Variants in MTMR10 observed in about 807,000 individuals in gnomAD.
The protein encoded by MTMR10 is myotubularin related protein 10.
In MTMR10, 56 loss-of-function variants were observed where a neutral mutation model predicts 88.1. That is an observed-to-expected ratio of 0.64 (90% confidence interval 0.51 to 0.79). The LOEUF is 0.79. Ranked by LOEUF, MTMR10 falls within the 30% of genes least tolerant of loss-of-function variation. MTMR10 has a pLI of 0.00. For missense variants in MTMR10, 883 were observed against 924.7 expected (o/e 0.95, Z 0.58); for synonymous variants, 380 against 340.9 (o/e 1.11, Z -1.26).
Position 30,941,981 on chromosome 15 carries a change from A to G in MTMR10, c.1823T>C (p.Leu608Ser), listed in dbSNP as rs2063071119. 6.2e-7 allele frequency: 1 copy of G among 1,613,884 alleles called. No individual in the cohort carries two copies. The highest frequency in any genetic ancestry group is 1.3e-5 in the African/African-American group (1 of 75,030). The change falls in exon 16 of 16, where the codon TTG becomes TCG. Residue 608 changes from leucine to serine, a missense_variant. Around this residue, in one of 3 missense-constraint regions of MTMR10, gnomAD observed 343 missense variants for 323.2 expected, o/e 1.06. Coordinates refer to ENST00000435680, the MANE Select transcript of MTMR10 (RefSeq NM_017762.3). ...DQELLPRRNSLILKPKPDPAQ... is the reference protein window; with the variant it reads ...DQELLPRRNSSILKPKPDPAQ... Reference sequence around the variant, plus strand: ...TGGATCTGGCTTTGGTTTTAATATCAATGAATTTCTCCTTGGAAGTAATTC... The same window carrying G: ...TGGATCTGGCTTTGGTTTTAATATCGATGAATTTCTCCTTGGAAGTAATTC...
chr15:30,981,024 C>A (rs1595946330), intron 2 of MTMR10, among the ~76,000 whole-genome samples: 1 of 152,104 alleles, frequency 6.6e-6, no homozygotes, highest in Non-Finnish European at 1.5e-5. Flanking sequence ...TAGAACATTA[C>A]AGTAAAGATC....
intron 6 of MTMR10, among the ~76,000 whole-genome samples, chr15:30,962,627 C>A (rs952510344): frequency 4.6e-5 from 7 of 151,942 alleles, no homozygotes; most frequent in Non-Finnish European, 1.0e-4. Context: ...ATGTCATGCT[C>A]ATTCCTACTG....
Position 30,987,828 on chromosome 15 carries a change from G to T in MTMR10, c.121+2949C>A, listed in dbSNP as rs567802548. 3.3e-5 allele frequency among the ~76,000 whole-genome samples: 5 copies of T among 151,870 alleles called. No individual in the cohort carries two copies. The East Asian group carries it at 9.7e-4, about 30-fold the overall frequency. The stretch of plus-strand genomic sequence containing the variant: ...ACGCCGGGAATTTCAAGCCCCGCAC[G>T]CATTAGGTATTTGTCCTAATGCTCT... On this transcript the variant is annotated intron_variant, in intron 2 of 15. Coordinates refer to ENST00000435680, the MANE Select transcript of MTMR10 (RefSeq NM_017762.3).
At chr15:30,922,963 G>A in the MTMR10 span, among the ~76,000 whole-genome samples, 1 of 152,258 alleles carries the variant, frequency 6.6e-6, no homozygotes, top group African/African-American at 2.4e-5. Context: ...CGCAGAGCCT[G>A]TGCCTGTGGG....
At chr15:30,933,330 C>T in the MTMR10 span, among the ~76,000 whole-genome samples, 2 of 152,186 alleles carry the variant, frequency 1.3e-5, no homozygotes, top group Non-Finnish European at 2.9e-5. Context: ...TTTTCATTTT[C>T]ATTCAGTTCA....
In MTMR10 at chr15:30,945,503, A is replaced by G. The variant is rs908973727; in HGVS notation, c.1548+1627T>C. On this transcript the variant is annotated intron_variant, in intron 14 of 15. Coordinates refer to ENST00000435680, the MANE Select transcript of MTMR10 (RefSeq NM_017762.3). Reference sequence around the variant, plus strand: ...CACCCATGCACTGCCCAGTCCCCAGACCCCAAAGTCTTTGTCCTCGCCTCA... The same window carrying G: ...CACCCATGCACTGCCCAGTCCCCAGGCCCCAAAGTCTTTGTCCTCGCCTCA... 3.2e-4 allele frequency among the ~76,000 whole-genome samples: 48 copies of G among 151,758 alleles called. 1 individual carries two copies. The highest frequency in any genetic ancestry group is 1.9e-4 in the East Asian group (1 of 5,136).
chr15:30,978,084 G>A (rs2030292345), intron 2 of MTMR10, among the ~76,000 whole-genome samples: 1 of 152,002 alleles, frequency 6.6e-6, no homozygotes, highest in Non-Finnish European at 1.5e-5. Flanking sequence ...ATCCCTCATG[G>A]GACCATGCTT....
chr15:30,951,859 T>C, intron 12 of MTMR10, 109 bp downstream of exon 12: 1 of 923,010 alleles, frequency 1.1e-6, no homozygotes, highest in Non-Finnish European at 1.7e-6. Context: ...GGTACTGTAG[T>C]AAATAAGAAA....
chr15:30,991,495 G>C lies in MTMR10; in HGVS notation c.12C>G (p.Leu4=), dbSNP rs770426362. The stretch of plus-strand genomic sequence containing the variant: ...ACCTGAAGGTGGGTTTGGGCGGCTT[G>C]AGGGAGAACATGGTGCCGCCGCCTT... MFS[L]KPPKPTFRSY... is the part of the protein sequence containing the mutation. The change falls in exon 1 of 16, where the codon CTC becomes CTG. Residue 4 remains leucine, a synonymous_variant. Coordinates refer to ENST00000435680, the MANE Select transcript of MTMR10 (RefSeq NM_017762.3). 1.3e-6 allele frequency: 2 copies of C among 1,525,822 alleles called. No homozygotes were observed. The highest frequency in any genetic ancestry group is 1.3e-5 in the South Asian group (1 of 78,518). 94.5% of individuals were successfully genotyped at this position (1,525,822 alleles called of 1,614,324 possible). A position where few individuals can be genotyped will look rare whatever the true frequency, so the allele number is the denominator to read the frequency against.
In MTMR10 at chr15:30,941,743, A is replaced by G. The variant is rs1274186606; in HGVS notation, c.2061T>C (p.Asp687=). The part of the protein sequence containing the change: ...TAFHKLSLLA[D]EVDVLSRMLR... The stretch of plus-strand genomic sequence containing the variant: ...GCATCCTGCTCAGTACGTCGACTTC[A>G]TCAGCCAGGAGGGAGAGCTTGTGAA... The change falls in exon 16 of 16, where the codon GAT becomes GAC. Residue 687 remains aspartate, a synonymous_variant. Coordinates refer to ENST00000435680, the MANE Select transcript of MTMR10 (RefSeq NM_017762.3). 1 of 1,614,002 alleles carries G rather than the reference A, an allele frequency of 6.2e-7. No individual in the cohort carries two copies. The highest frequency in any genetic ancestry group is 1.1e-5 in the South Asian group (1 of 91,074).
Position 30,941,467 on chromosome 15 carries a change from A to G in MTMR10, c.*3T>C, listed in dbSNP as rs1566941965. 1 of 1,600,528 alleles carries G rather than the reference A, an allele frequency of 6.2e-7. No individual in the cohort carries two copies. The highest frequency in any genetic ancestry group is 8.5e-7 in the Non-Finnish European group (1 of 1,173,046). On this transcript the variant is annotated 3_prime_UTR_variant, in exon 16 of 16. Transcript: ENST00000435680. ...CCTCAAAATGTTCAGAAAACACCCT[A>G]TTTTAGTCTTCATTTGCTAATGTCT... is the stretch of plus-strand genomic sequence containing the variant.
chr15:30,933,543 T>C, the MTMR10 span, among the ~76,000 whole-genome samples: 1 of 152,224 alleles, frequency 6.6e-6, no homozygotes, highest in Non-Finnish European at 1.5e-5. Flanking sequence ...TGGTCCAGAA[T>C]ATGGTATTCC....
chr15:30,939,381 G>T lies in MTMR10; in HGVS notation c.*2089C>A. 4 of 985,466 alleles carry T rather than the reference G, an allele frequency of 4.1e-6. No individual in the cohort carries two copies. Among genetic ancestry groups the T allele is most frequent in the Non-Finnish European group, 4.8e-6 (4 of 829,944 alleles). 61.0% of individuals were successfully genotyped at this position (985,466 alleles called of 1,614,324 possible). Reference sequence around the variant, plus strand: ...AGCTCTCTCTAGTGCGCCCTGTGCAGCCACACCACTGCTGTCACCACATGT... The same window carrying T: ...AGCTCTCTCTAGTGCGCCCTGTGCATCCACACCACTGCTGTCACCACATGT... On this transcript the variant is annotated 3_prime_UTR_variant, in exon 16 of 16. Transcript: ENST00000435680.
At chr15:30,971,132 A>C (rs2063533454) in intron 5 of MTMR10, among the ~76,000 whole-genome samples, 1 of 152,162 alleles carries the variant, frequency 6.6e-6, no homozygotes, top group African/African-American at 2.4e-5. Context: ...TAAAAACCTA[A>C]GTCCAAATTC....
At chr15:30,931,783 C>G in the MTMR10 span, among the ~76,000 whole-genome samples, 4 of 152,074 alleles carry the variant, frequency 2.6e-5, no homozygotes, top group African/African-American at 4.8e-5. Flanking sequence ...ATCTGTTTGT[C>G]TGTATTTCTT....
At chr15:30,952,209 C>G (rs1290412958) in intron 11 of MTMR10, among the ~76,000 whole-genome samples, 171 bp from the exon 12 acceptor site, 1 of 152,208 alleles carries the variant, frequency 6.6e-6, no homozygotes, top group Non-Finnish European at 1.5e-5. Flanking sequence ...ATACCCTAAA[C>G]TGAGACTGTG....
At chr15:30,919,694 A>G in the MTMR10 span, among the ~76,000 whole-genome samples, 1 of 139,918 alleles carries the variant, frequency 7.1e-6, no homozygotes, top group Non-Finnish European at 1.6e-5. Context: ...GTCTCGGGGA[A>G]AAAAAAAAAA....
At chr15:30,976,498 C>T (rs1446378451) in intron 3 of MTMR10, among the ~76,000 whole-genome samples, 5 of 152,072 alleles carry the variant, frequency 3.3e-5, no homozygotes, top group Non-Finnish European at 7.4e-5. Flanking sequence ...AGCAAACAAC[C>T]TTTTCTCTTT....
At chr15:30,989,493 C>T (rs1435734647) in intron 2 of MTMR10, among the ~76,000 whole-genome samples, 2 of 152,026 alleles carry the variant, frequency 1.3e-5, no homozygotes, top group East Asian at 3.9e-4. Context: ...TTTTTACCTA[C>T]AAAATTCTAA....
Sources: allele counts gnomAD v4.1 joint callset (sites outside exome capture counted in the v4.1 genomes callset), GRCh38; gene constraint gnomAD v4.1.1; regional missense constraint gnomAD v4.1.1; transcripts MANE v1.5; gene names NCBI Gene and HGNC (gene_info 2026-07-23, HGNC 2026-07-21).